Variants in GUCY1A1 observed in about 807,000 individuals in gnomAD.
GUCY1A1 encodes the protein guanylate cyclase soluble subunit alpha-1.
A neutral mutation model predicts 64.5 loss-of-function variants in GUCY1A1; 48 were observed. The ratio of observed to expected loss-of-function variants is 0.74; its 90% CI spans 0.59 to 0.95. The LOEUF (loss-of-function observed/expected upper bound fraction) is 0.95, where lower values mean the gene tolerates loss of function less well. Ranked by LOEUF, GUCY1A1 falls within the 40% of genes least tolerant of loss-of-function variation. The pLI is 0.00. For synonymous variants in GUCY1A1, 308 were observed against 303.4 expected (o/e 1.02, Z -0.16); for missense variants, 804 against 825.3 (o/e 0.97, Z 0.32).
At position 155,734,854 on chromosome 4, in the gene GUCY1A1, T is replaced by A. The variant is rs1052702086; in HGVS notation, c.*4623T>A. 6.6e-6 allele frequency: 1 copy of A among 151,972 alleles called. No individual in the cohort carries two copies. Among genetic ancestry groups the A allele is most frequent in the African/African-American group, 2.4e-5 (1 of 41,412 alleles). The allele number at this position is 151,972 out of a possible 1,614,324, so 9.4% of individuals were successfully genotyped here. A position where few individuals can be genotyped will look rare whatever the true frequency, so the allele number is the denominator to read the frequency against. On this transcript the variant is annotated 3_prime_UTR_variant, in exon 10 of 10. Transcript: ENST00000506455. ...TTAGAGTTTATGGTCTCTGTTATGATACTTTTCAAGACCTGGGAAATATTT... is the reference window on the plus strand; with the variant it reads ...TTAGAGTTTATGGTCTCTGTTATGAAACTTTTCAAGACCTGGGAAATATTT...
chr4:155,720,203 A>T (rs955964259), intron 8 of GUCY1A1, among the ~76,000 whole-genome samples: 13 of 152,150 alleles, frequency 8.5e-5, no homozygotes, highest in Non-Finnish European at 1.8e-4. Context: ...GGTAAATTTA[A>T]TATATAATAA....
chr4:155,718,556 G>A (rs1027203058), intron 8 of GUCY1A1, among the ~76,000 whole-genome samples: 2 of 152,138 alleles, frequency 1.3e-5, no homozygotes, highest in African/African-American at 4.8e-5. Context: ...GAGGGTGCCT[G>A]GAATAGCTGG....
chr4:155,677,706 G>T (rs1388601819), intron 2 of GUCY1A1, among the ~76,000 whole-genome samples: 1 of 152,000 alleles, frequency 6.6e-6, no homozygotes, highest in Non-Finnish European at 1.5e-5. Flanking sequence ...ACAAAAATTA[G>T]CCGGGCATGG....
chr4:155,679,609 G>C (rs376039960), intron 2 of GUCY1A1, among the ~76,000 whole-genome samples: 11 of 152,176 alleles, frequency 7.2e-5, no homozygotes, highest in Non-Finnish European at 1.3e-4. Context: ...ACGGTGCCAA[G>C]TCATTCATGA....
intron 3 of GUCY1A1, among the ~76,000 whole-genome samples, chr4:155,703,708 C>T (rs1044046832): frequency 6.6e-6 from 1 of 152,186 alleles, no homozygotes; most frequent in Non-Finnish European, 1.5e-5. Context: ...AACACATATC[C>T]AATCTCAGAT....
rs1179325738 is a variant in GUCY1A1, at chr4:155,733,788, A to G, written c.*3557A>G. Among the ~76,000 whole-genome samples the G allele has an allele frequency of 1.3e-5, 2 of 151,642 alleles. No homozygotes were observed. Among genetic ancestry groups the G allele is most frequent in the African/African-American group, 2.4e-5 (1 of 41,312 alleles). On this transcript the variant is annotated 3_prime_UTR_variant, in exon 10 of 10. Coordinates refer to ENST00000506455, the MANE Select transcript of GUCY1A1 (RefSeq NM_001130682.3). Reference sequence around the variant, plus strand: ...AGTCTTAAAGGAAGAGAATGGTATGATCAGATGTGTGTTTTCCAAAGACTA... The same window carrying G: ...AGTCTTAAAGGAAGAGAATGGTATGGTCAGATGTGTGTTTTCCAAAGACTA...
intron 2 of GUCY1A1, among the ~76,000 whole-genome samples, chr4:155,676,045 C>G (rs894559871): frequency 6.6e-6 from 1 of 151,392 alleles, no homozygotes; most frequent in Admixed American, 6.6e-5. Flanking sequence ...CCTGTTTTAC[C>G]GTGAAGAGCA....
intron 9 of GUCY1A1, among the ~76,000 whole-genome samples, chr4:155,728,177 T>C (rs1735004457): frequency 6.6e-6 from 1 of 151,934 alleles, no homozygotes; most frequent in Non-Finnish European, 1.5e-5. Flanking sequence ...GTCATAAATC[T>C]AGATTATTCA....
intron 4 of GUCY1A1, among the ~76,000 whole-genome samples, chr4:155,705,890 C>T (rs1731696407): frequency 6.6e-6 from 1 of 151,882 alleles, no homozygotes; most frequent in Non-Finnish European, 1.5e-5. Context: ...ACACGAGTAA[C>T]ATGAGAAGCA....
Position 155,707,731 on chromosome 4 carries a change from A to G in GUCY1A1, c.318-505A>G, listed in dbSNP as rs145425122. ...GTCATATATATTTTGGGGTTTTCCA[A>G]CATTGTTCTGGATGGTATATGTCAT... On this transcript the variant is annotated intron_variant, in intron 4 of 9. Coordinates refer to ENST00000506455, the MANE Select transcript of GUCY1A1 (RefSeq NM_001130682.3). Among the ~76,000 whole-genome samples the G allele has an allele frequency of 6.0e-3, 910 of 152,316 alleles. 7 individuals carry two copies. Among genetic ancestry groups the G allele is most frequent in the African/African-American group, 0.021 (877 of 41,582 alleles).
At chr4:155,686,845 A>G (rs1729058660) in intron 2 of GUCY1A1, among the ~76,000 whole-genome samples, 1 of 152,190 alleles carries the variant, frequency 6.6e-6, no homozygotes, top group Non-Finnish European at 1.5e-5. Flanking sequence ...TAGACATGCA[A>G]CTTATTATAT....
In GUCY1A1 at chr4:155,703,978, A is replaced by C; in HGVS notation, c.302A>C (p.Lys101Thr). The C allele has an allele frequency of 6.2e-7, 1 of 1,605,660 alleles. No homozygotes were observed. Among genetic ancestry groups the C allele is most frequent in the Middle Eastern group, 1.7e-4 (1 of 6,022 alleles). The change falls in exon 4 of 10, where the codon AAA becomes ACA. Residue 101 changes from lysine (K) to threonine (T), a missense_variant. By Grantham distance (78) the Lys-to-Thr change is moderately conservative (BLOSUM62 -1). Coordinates refer to ENST00000506455, the MANE Select transcript of GUCY1A1 (RefSeq NM_001130682.3). ...VALQRTLAKHKIKESRKSLER... is the reference protein window; with the variant it reads ...VALQRTLAKHTIKESRKSLER... ...CTTCAGAGAACATTGGCAAAGCACA[A>C]AATAAAAGAAAGCAGGTAAGTCAAA...
chr4:155,688,050 C>G (rs928233742), intron 2 of GUCY1A1, among the ~76,000 whole-genome samples: 1 of 151,610 alleles, frequency 6.6e-6, no homozygotes, highest in African/African-American at 2.4e-5. Flanking sequence ...AGTGAAACCC[C>G]GTCTCTACTA....
chr4:155,724,703 G>C (rs553499220), intron 9 of GUCY1A1, among the ~76,000 whole-genome samples: 3 of 151,920 alleles, frequency 2.0e-5, no homozygotes, highest in Middle Eastern at 3.4e-3. Context: ...CTTTGTTGCC[G>C]TGCTCAGAGC....
chr4:155,698,973 T>G (rs1008329891), intron 3 of GUCY1A1, among the ~76,000 whole-genome samples: 2 of 152,192 alleles, frequency 1.3e-5, no homozygotes, highest in Non-Finnish European at 2.9e-5. Context: ...TTTAGTTGTC[T>G]GTCTGTGTTT....
At chr4:155,698,402 C>T (rs924986308) in intron 3 of GUCY1A1, among the ~76,000 whole-genome samples, 1 of 152,132 alleles carries the variant, frequency 6.6e-6, no homozygotes, top group Non-Finnish European at 1.5e-5. Flanking sequence ...ATAGAGCCCT[C>T]CTCAGGGAGT....
In GUCY1A1 at chr4:155,735,787, A is replaced by T. The variant is rs1365325247; in HGVS notation, c.*5556A>T. On this transcript the variant is annotated 3_prime_UTR_variant, in exon 10 of 10. Transcript: ENST00000506455. Reference sequence around the variant, plus strand: ...GCTATTACAGAAGTTGGACAGCCCAATGTGTTAAGTATTATACACCTGGAA... The same window carrying T: ...GCTATTACAGAAGTTGGACAGCCCATTGTGTTAAGTATTATACACCTGGAA... The T allele has an allele frequency of 1.3e-5, 2 of 151,958 alleles. No homozygotes were observed. The highest frequency in any genetic ancestry group is 1.5e-5 in the Non-Finnish European group (1 of 67,938). The allele number at this position is 151,958 out of a possible 1,614,324, so 9.4% of individuals were successfully genotyped here.
chr4:155,711,866 A>C (rs1439995224), intron 6 of GUCY1A1, among the ~76,000 whole-genome samples: 1 of 152,224 alleles, frequency 6.6e-6, no homozygotes, highest in Admixed American at 6.5e-5. Flanking sequence ...CCCCAAAAGG[A>C]AAACAGCTTT....
intron 2 of GUCY1A1, among the ~76,000 whole-genome samples, chr4:155,685,612 T>G (rs867163776): frequency 0.1 from 15,266 of 148,850 alleles, 2,657 homozygotes; most frequent in African/African-American, 0.35. Flanking sequence ...TGTTTTTTTT[T>G]TTTTTTTTTT....
Sources: gnomAD v4.1 joint callset for allele counts (sites outside exome capture counted in the v4.1 genomes callset) on GRCh38, gnomAD v4.1.1 for gene constraint, MANE v1.5 for transcripts, NCBI Gene and HGNC (gene_info 2026-07-23, HGNC 2026-07-21) for gene names.